Variants in NCOA2 observed in about 807,000 individuals in gnomAD.
The protein encoded by NCOA2 is nuclear receptor coactivator 2.
Under a neutral mutation model 145.1 loss-of-function variants are expected in NCOA2, and 21 were observed. The ratio of observed to expected loss-of-function variants is 0.14; its 90% CI spans 0.10 to 0.21. NCOA2 has a LOEUF of 0.21. NCOA2 is among the 10% of genes least tolerant of loss of function. NCOA2 has a pLI of 1.00. For missense variants in NCOA2, 1,472 were observed against 1,837.6 expected (o/e 0.80, Z 3.64); for synonymous variants, 619 against 637.5 (o/e 0.97, Z 0.44).
the NCOA2 span, among the ~76,000 whole-genome samples, chr8:70,432,561 G>A: frequency 2.1e-4 from 32 of 152,300 alleles, no homozygotes; most frequent in Admixed American, 1.4e-3. Context: ...TACTCGAAAG[G>A]CCGAGGCAGG....
intron 1 of NCOA2, among the ~76,000 whole-genome samples, chr8:70,309,104 A>C (rs1450147158): frequency 6.6e-6 from 1 of 152,190 alleles, no homozygotes; most frequent in African/African-American, 2.4e-5. Context: ...ACTATGAAGA[A>C]GCCCAAGCTG....
chr8:70,378,437 A>G (rs1811878430), intron 1 of NCOA2, among the ~76,000 whole-genome samples: 1 of 152,180 alleles, frequency 6.6e-6, no homozygotes, highest in Non-Finnish European at 1.5e-5. Context: ...ACCCAACGCC[A>G]TTATAAAGTA....
intron 15 of NCOA2, among the ~76,000 whole-genome samples, chr8:70,132,295 G>A (rs1326222440): frequency 1.3e-5 from 2 of 152,196 alleles, no homozygotes; most frequent in East Asian, 1.9e-4. Context: ...ACATGGATCT[G>A]TGTGAGTCCA....
intron 1 of NCOA2, among the ~76,000 whole-genome samples, chr8:70,401,118 C>A (rs1034445895): frequency 6.6e-6 from 1 of 152,052 alleles, no homozygotes; most frequent in Non-Finnish European, 1.5e-5. Context: ...CACACACACG[C>A]GCACACACAC....
At chr8:70,450,173 A>G in the NCOA2 span, among the ~76,000 whole-genome samples, 2 of 152,240 alleles carry the variant, frequency 1.3e-5, no homozygotes, top group African/African-American at 4.8e-5. Flanking sequence ...TCCCTAGCAC[A>G]TGTCACACAC....
chr8:70,249,960 C>T (rs1563679618), intron 2 of NCOA2, among the ~76,000 whole-genome samples: 1 of 10,966 alleles, frequency 9.1e-5, no homozygotes, highest in East Asian at 6.0e-4. Flanking sequence ...GAGAATCTGC[C>T]TCCAAAAAAA....
At chr8:70,203,999 ACTT>A (rs1410565338) in intron 4 of NCOA2, among the ~76,000 whole-genome samples, 1 of 151,936 alleles carries the variant, frequency 6.6e-6, no homozygotes, top group African/African-American at 2.4e-5. Context: ...ATTATAAAAT[ACTT>A]CTTTTCATAG....
intron 2 of NCOA2, among the ~76,000 whole-genome samples, chr8:70,266,894 C>T (rs572587480): frequency 3.3e-5 from 5 of 152,306 alleles, no homozygotes; most frequent in East Asian, 1.9e-4. Flanking sequence ...ACATTATGTG[C>T]TTCTTAAAGA....
In NCOA2 at chr8:70,216,615, G is replaced by A. The variant is rs540892317; in HGVS notation, c.86+45C>T. 647 of 1,455,448 alleles carry A rather than the reference G, an allele frequency of 4.4e-4. 9 individuals are homozygous for A. In the South Asian group the frequency reaches 7.1e-3, roughly 16 times the overall value. 90.2% of individuals were successfully genotyped at this position (1,455,448 alleles called of 1,614,324 possible). ...AAAATAACAAAGAAGCACTCATGTG[G>A]CTTTAACAGACAATACTGATTCCTT... is the stretch of plus-strand genomic sequence containing the variant. On this transcript the variant is annotated intron_variant, in intron 3 of 22. Coordinates refer to ENST00000452400, the MANE Select transcript of NCOA2 (RefSeq NM_006540.4).
chr8:70,350,658 T>C (rs531638956), intron 1 of NCOA2, among the ~76,000 whole-genome samples: 19 of 152,320 alleles, frequency 1.2e-4, no homozygotes, highest in African/African-American at 4.6e-4. Flanking sequence ...TTTACATAAA[T>C]TATTTTCACT....
intron 1 of NCOA2, among the ~76,000 whole-genome samples, chr8:70,329,651 G>C (rs1431388211): frequency 6.6e-6 from 1 of 152,066 alleles, no homozygotes; most frequent in Admixed American, 6.6e-5. Flanking sequence ...CACCAAAATA[G>C]AAAGTGACCC....
intron 1 of NCOA2, among the ~76,000 whole-genome samples, chr8:70,306,900 G>A (rs529535504): frequency 1.3e-5 from 2 of 152,166 alleles, no homozygotes; most frequent in South Asian, 2.1e-4. Context: ...TTTTACAGAT[G>A]AGGAAACTAA....
chr8:70,146,225 GCTTA>G (rs1811051768), intron 12 of NCOA2, among the ~76,000 whole-genome samples: 1 of 152,156 alleles, frequency 6.6e-6, no homozygotes, highest in Non-Finnish European at 1.5e-5. Context: ...GTAGGACCCT[GCTTA>G]CTTTTCAAAG....
At chr8:70,196,830 T>C (rs990317277) in intron 4 of NCOA2, among the ~76,000 whole-genome samples, 2 of 152,256 alleles carry the variant, frequency 1.3e-5, no homozygotes, top group African/African-American at 4.8e-5. Context: ...GGTAATGGAA[T>C]GCGGAGGTGA....
chr8:70,183,017 C>A (rs559277947), intron 4 of NCOA2, among the ~76,000 whole-genome samples: 23 of 152,226 alleles, frequency 1.5e-4, no homozygotes, highest in African/African-American at 5.5e-4. Context: ...AATGGTGCAT[C>A]TCTATTTGTA....
At chr8:70,332,315 T>C (rs1175626902) in intron 1 of NCOA2, among the ~76,000 whole-genome samples, 1 of 152,204 alleles carries the variant, frequency 6.6e-6, no homozygotes, top group Non-Finnish European at 1.5e-5. Context: ...TTAAAATGGC[T>C]ACATTTGTAA....
chr8:70,313,050 C>T (rs1805263853), intron 1 of NCOA2, among the ~76,000 whole-genome samples: 1 of 152,150 alleles, frequency 6.6e-6, no homozygotes, highest in Non-Finnish European at 1.5e-5. Flanking sequence ...TTACAGAGAT[C>T]TGTATCTAAA....
intron 2 of NCOA2, among the ~76,000 whole-genome samples, chr8:70,290,985 CCTA>C (rs1318082423): frequency 6.6e-6 from 1 of 152,162 alleles, no homozygotes; most frequent in Non-Finnish European, 1.5e-5. Flanking sequence ...AGCTAAAAAT[CCTA>C]CTAACTGACC....
At chr8:70,377,062 GTGT>G (rs570685919) in intron 1 of NCOA2, among the ~76,000 whole-genome samples, 3,086 of 125,530 alleles carry the variant, frequency 0.025, 132 homozygotes, top group African/African-American at 0.14. Context: ...CTTATACGTT[GTGT>G]TTTTTTTTTT....
Sources: gnomAD v4.1 joint callset for allele counts (sites outside exome capture counted in the v4.1 genomes callset) on GRCh38, gnomAD v4.1.1 for gene constraint, MANE v1.5 for transcripts, NCBI Gene and HGNC (gene_info 2026-07-23, HGNC 2026-07-21) for gene names.